Variants in CD276 observed in about 807,000 individuals in gnomAD.
The protein encoded by CD276 is CD276 antigen.
CD276 carries 34 observed loss-of-function variants against 50.0 expected under a neutral mutation model. The ratio of observed to expected loss-of-function variants is 0.68; its 90% CI spans 0.52 to 0.91. The LOEUF (loss-of-function observed/expected upper bound fraction) is 0.91, where lower values mean the gene tolerates loss of function less well. CD276 is among the 40% of genes least tolerant of loss of function. The pLI is 0.00. For missense variants in CD276, 634 were observed against 717.5 expected, an observed-to-expected ratio of 0.88 and a Z score of 1.33; for synonymous variants, 275 against 313.0, an observed-to-expected ratio of 0.88 and a Z score of 1.28.
At chr15:73,692,476 A>G (rs1352372760) in intron 1 of CD276, among the ~76,000 whole-genome samples, 1 of 152,248 alleles carries the variant, frequency 6.6e-6, no homozygotes, top group Non-Finnish European at 1.5e-5. Context: ...TAGGATAATA[A>G]TAGTACCTAC....
rs560047126 is a variant in CD276 at position 73,709,243 on chromosome 15, G to A, written c.1505-405G>A. Reference sequence around the variant, plus strand: ...GTGGGTGGGCTGGTGGAGGGTAGGTGGATGGTCTTTGGCTGGGTGTGTGGC... The same window carrying A: ...GTGGGTGGGCTGGTGGAGGGTAGGTAGATGGTCTTTGGCTGGGTGTGTGGC... On this transcript the variant is annotated intron_variant, in intron 7 of 9. Coordinates refer to ENST00000318443, the MANE Select transcript of CD276 (RefSeq NM_001024736.2). Among the ~76,000 whole-genome samples the A allele has an allele frequency of 2.0e-5, 3 of 152,232 alleles. No homozygotes were observed. The East Asian group carries it at 5.8e-4, about 29-fold the overall frequency.
In CD276 at chr15:73,701,967, C is replaced by T. The variant is rs146511265; in HGVS notation, c.80-288C>T. Among the ~76,000 whole-genome samples, 1,381 of 152,298 alleles carry T rather than the reference C, an allele frequency of 9.1e-3. 26 individuals are homozygous for T. Among genetic ancestry groups the T allele is most frequent in the African/African-American group, 0.031 (1,276 of 41,558 alleles). On this transcript the variant is annotated intron_variant, in intron 2 of 9. Transcript: ENST00000318443. ...CTCACATACCTTAGTCACATGCTGACGAGAATCTGTGTGCCCATTTGTCTC... is the reference window on the plus strand; with the variant it reads ...CTCACATACCTTAGTCACATGCTGATGAGAATCTGTGTGCCCATTTGTCTC...
chr15:73,710,855 G>A (rs910589481), intron 8 of CD276, among the ~76,000 whole-genome samples: 10 of 152,144 alleles, frequency 6.6e-5, no homozygotes, highest in Non-Finnish European at 8.8e-5. Flanking sequence ...GGGCACTTCC[G>A]CATCTCCAGC....
intron 2 of CD276, among the ~76,000 whole-genome samples, chr15:73,700,464 C>T (rs1900334377): frequency 6.6e-6 from 1 of 152,208 alleles, no homozygotes; most frequent in African/African-American, 2.4e-5. Flanking sequence ...GTGCCTGTCT[C>T]TACCCACGGC....
Position 73,714,444 on chromosome 15 carries a change from TA to T in CD276, c.*1491del, listed in dbSNP as rs1465147229. ...ATGGAAGATGTGAGGACTTCTAATTTAAATGTGGGACTCGGAGGGATTTTGT... is the reference window on the plus strand; with the variant it reads ...ATGGAAGATGTGAGGACTTCTAATTTAATGTGGGACTCGGAGGGATTTTGT... On this transcript the variant is annotated 3_prime_UTR_variant, in exon 10 of 10. Transcript: ENST00000318443. 8 of 152,626 alleles carry T rather than the reference TA, an allele frequency of 5.2e-5. No homozygotes were observed. The highest frequency in any genetic ancestry group is 3.9e-4 in the Admixed American group (6 of 15,290). The allele number at this position is 152,626 out of a possible 1,614,324, so 9.5% of individuals were successfully genotyped here. A position where few individuals can be genotyped will look rare whatever the true frequency, so the allele number is the denominator to read the frequency against.
intron 8 of CD276, 126 bp downstream of exon 8, chr15:73,709,815 C>A: frequency 1.2e-6 from 1 of 866,418 alleles, no homozygotes; most frequent in Non-Finnish European, 1.8e-6. Flanking sequence ...TCTGTGGACT[C>A]AGACCTCCCC....
intron 9 of CD276, among the ~76,000 whole-genome samples, chr15:73,712,376 G>A (rs897347863): frequency 2.0e-5 from 3 of 152,218 alleles, no homozygotes; most frequent in Non-Finnish European, 4.4e-5. Context: ...TGAGGGAGAG[G>A]GCAGGGGAAG....
At position 73,699,678 on chromosome 15, in the gene CD276, T is replaced by C. The variant is rs1415344073; in HGVS notation, c.39T>C (p.His13=). Residue 13 remains histidine, a synonymous_variant, in exon 2 of 10, where the codon CAT becomes CAC. Coordinates refer to ENST00000318443, the MANE Select transcript of CD276 (RefSeq NM_001024736.2). ...RRRGSPGMGV[H]VGAALGALWF... ...GGGGCAGCCCTGGCATGGGTGTGCATGTGGGTGCAGCCCTGGGAGCACTGT... is the reference window on the plus strand; with the variant it reads ...GGGGCAGCCCTGGCATGGGTGTGCACGTGGGTGCAGCCCTGGGAGCACTGT... 1.9e-6 allele frequency: 3 copies of C among 1,612,766 alleles called. No individual in the cohort carries two copies. The highest frequency in any genetic ancestry group is 2.5e-6 in the Non-Finnish European group (3 of 1,179,432).
chr15:73,692,314 G>C (rs1465630479), intron 1 of CD276, among the ~76,000 whole-genome samples: 2 of 152,076 alleles, frequency 1.3e-5, no homozygotes, highest in African/African-American at 4.8e-5. Flanking sequence ...CAAAAAACTG[G>C]TCATATTCTA....
chr15:73,710,989 G>C, intron 8 of CD276, 146 bp from the exon 9 acceptor site: 1 of 744,586 alleles, frequency 1.3e-6, no homozygotes, highest in Non-Finnish European at 2.3e-6. Flanking sequence ...CAGCAACCTA[G>C]GGCCCCTTCC....
chr15:73,710,882 G>A (rs1034434579), intron 8 of CD276, among the ~76,000 whole-genome samples: 2 of 152,170 alleles, frequency 1.3e-5, no homozygotes, highest in African/African-American at 2.4e-5. Context: ...TGGAGGGCTC[G>A]AGGGTTGTCC....
intron 1 of CD276, among the ~76,000 whole-genome samples, chr15:73,695,472 A>G (rs1369730891): frequency 6.6e-6 from 1 of 152,166 alleles, no homozygotes; most frequent in Non-Finnish European, 1.5e-5. Context: ...ACCATATCAT[A>G]AATAGTATAC....
chr15:73,708,592 G>A, intron 7 of CD276, 119 bp downstream of exon 7: 1 of 1,214,292 alleles, frequency 8.2e-7, no homozygotes, highest in East Asian at 2.5e-5. Context: ...TGTGTGTGCA[G>A]ATGGGGCTGG....
At chr15:73,690,749 G>A (rs1304403935) in intron 1 of CD276, 4 of 455,850 alleles carry the variant, frequency 8.8e-6, no homozygotes, top group South Asian at 4.6e-5. Context: ...CTAGGAAGAA[G>A]AAACTGTATT....
chr15:73,688,464 G>T (rs1166713598), intron 1 of CD276, among the ~76,000 whole-genome samples: 1 of 152,146 alleles, frequency 6.6e-6, no homozygotes, highest in Non-Finnish European at 1.5e-5. Flanking sequence ...ATTTAAACTT[G>T]GTCATGTGTT....
intron 1 of CD276, among the ~76,000 whole-genome samples, chr15:73,691,500 G>C (rs530818282): frequency 6.6e-6 from 1 of 152,314 alleles, no homozygotes; most frequent in East Asian, 1.9e-4. Context: ...CTCTGATTGG[G>C]TGTGGCTTGG....
intron 1 of CD276, among the ~76,000 whole-genome samples, chr15:73,686,840 A>T (rs538744367): frequency 1.5e-4 from 23 of 152,182 alleles, no homozygotes; most frequent in Non-Finnish European, 3.1e-4. Flanking sequence ...TTATGACCAC[A>T]TGGGGGCTGT....
At chr15:73,701,028 T>C (rs1900367075) in intron 2 of CD276, among the ~76,000 whole-genome samples, 1 of 148,488 alleles carries the variant, frequency 6.7e-6, no homozygotes, top group African/African-American at 2.5e-5. Flanking sequence ...CTCAGCCTCC[T>C]GAGTAGCTGG....
chr15:73,685,984 GT>G (rs926820878), intron 1 of CD276, among the ~76,000 whole-genome samples: 5 of 152,182 alleles, frequency 3.3e-5, no homozygotes, highest in African/African-American at 1.2e-4. Flanking sequence ...AACACTTAGG[GT>G]AACTGTTGAC....
Sources: gnomAD v4.1 joint callset for allele counts (sites outside exome capture counted in the v4.1 genomes callset) on GRCh38, gnomAD v4.1.1 for gene constraint, MANE v1.5 for transcripts, NCBI Gene and HGNC (gene_info 2026-07-23, HGNC 2026-07-21) for gene names.